The following PACRG variants were observed in gnomAD, a reference collection of about 807,000 sequenced individuals.
The protein encoded by PACRG is parkin coregulated.
Under a neutral mutation model 29.7 loss-of-function variants are expected in PACRG, and 29 were observed. The ratio of observed to expected loss-of-function variants is 0.98; its 90% CI spans 0.73 to 1.33. The LOEUF (loss-of-function observed/expected upper bound fraction) is 1.33. Ranked by LOEUF, PACRG falls within the 40% of genes most tolerant of loss-of-function variation. The pLI is 0.00. For synonymous variants in PACRG, 116 were observed against 118.7 expected (o/e 0.98, Z 0.15); for missense variants, 279 against 316.2 (o/e 0.88, Z 0.89).
intron 4 of PACRG, among the ~76,000 whole-genome samples, chr6:163,294,864 CA>C (rs1486242211): frequency 2.0e-5 from 3 of 152,104 alleles, no homozygotes; most frequent in Non-Finnish European, 4.4e-5. Context: ...ATATATATCA[CA>C]ACTGAATTTC....
chr6:163,033,522 A>G (rs1308075983), intron 2 of PACRG, among the ~76,000 whole-genome samples: 1 of 152,252 alleles, frequency 6.6e-6, no homozygotes, highest in Non-Finnish European at 1.5e-5. Flanking sequence ...TTTCCCAAAG[A>G]TTACTTAAGT....
At chr6:163,250,112 G>T (rs1225415654) in intron 4 of PACRG, among the ~76,000 whole-genome samples, 1 of 152,208 alleles carries the variant, frequency 6.6e-6, no homozygotes, top group Non-Finnish European at 1.5e-5. Flanking sequence ...ATTGTCCATT[G>T]CAGGAAACAA....
intron 2 of PACRG, among the ~76,000 whole-genome samples, chr6:162,871,916 CA>C (rs199605640): frequency 8.7e-5 from 12 of 137,870 alleles, no homozygotes; most frequent in African/African-American, 2.4e-4. Context: ...GACTCCGTCT[CA>C]AAAAAAAACA....
intron 2 of PACRG, among the ~76,000 whole-genome samples, chr6:162,863,157 G>A (rs750468762): frequency 1.3e-5 from 2 of 152,190 alleles, no homozygotes; most frequent in Non-Finnish European, 2.9e-5. Context: ...GGCTTCAGCC[G>A]TCTGCGTGCA....
At chr6:163,115,877 T>C (rs73786972) in intron 4 of PACRG, among the ~76,000 whole-genome samples, 3,661 of 152,252 alleles carry the variant, frequency 0.024, 162 homozygotes, top group African/African-American at 0.083. Flanking sequence ...GTCATGGCCC[T>C]CCAGTGCAAC....
intron 2 of PACRG, among the ~76,000 whole-genome samples, chr6:162,997,920 C>T (rs996713509): frequency 3.9e-5 from 6 of 152,128 alleles, no homozygotes; most frequent in African/African-American, 1.4e-4. Flanking sequence ...TAATTCCTTG[C>T]CAGGAGATAC....
At chr6:162,910,020 G>A (rs1285674191) in intron 2 of PACRG, among the ~76,000 whole-genome samples, 2 of 152,152 alleles carry the variant, frequency 1.3e-5, no homozygotes, top group Admixed American at 1.3e-4. Flanking sequence ...GAATGCCTGG[G>A]CTCAGATTCT....
At chr6:162,775,787 G>A (rs1562585000) in intron 1 of PACRG, among the ~76,000 whole-genome samples, 1 of 152,068 alleles carries the variant, frequency 6.6e-6, no homozygotes, top group African/African-American at 2.4e-5. Context: ...GTTAGTCTTA[G>A]CTAACACTTA....
intron 1 of PACRG, among the ~76,000 whole-genome samples, chr6:162,759,716 G>A (rs1326904021): frequency 1.3e-5 from 2 of 152,182 alleles, no homozygotes; most frequent in Admixed American, 1.3e-4. Flanking sequence ...GATGGCCAGA[G>A]TTACTGGAAA....
chr6:163,208,514 CAAAT>C lies in PACRG; in HGVS notation c.614-106308_614-106305del, dbSNP rs560207987. Among the ~76,000 whole-genome samples the C allele has an allele frequency of 2.6e-4, 40 of 152,118 alleles. No individual in the cohort carries two copies. The East Asian group carries it at 4.4e-3, about 17-fold the overall frequency. ...GATTAAAAGTCCAGAAATAAAATAA[CAAAT>C]AAATGTGCATTTTATTTAGCTATTT... On this transcript the variant is annotated intron_variant, in intron 4 of 4. Coordinates refer to ENST00000366888, the MANE Select transcript of PACRG (RefSeq NM_001080379.2).
chr6:163,111,869 T>C (rs961198113), intron 4 of PACRG, among the ~76,000 whole-genome samples: 1 of 152,232 alleles, frequency 6.6e-6, no homozygotes, highest in African/African-American at 2.4e-5. Flanking sequence ...CTGGCACATA[T>C]TGTGTAAATC....
At position 162,989,056 on chromosome 6, in the gene PACRG, CCAG is replaced by C. The variant is rs753212818; in HGVS notation, c.292-73093_292-73091del. Among the ~76,000 whole-genome samples, 3 of 152,254 alleles carry C rather than the reference CCAG, an allele frequency of 2.0e-5. No homozygotes were observed. The East Asian group carries it at 5.8e-4, about 29-fold the overall frequency. On this transcript the variant is annotated intron_variant, in intron 2 of 4. Coordinates refer to ENST00000366888, the MANE Select transcript of PACRG (RefSeq NM_001080379.2). Reference sequence around the variant, plus strand: ...ATAGCCCAATCAAGAATAGACACGTCCAGTGCTACTACTCTGGCAAGACATGAA... The same window carrying C: ...ATAGCCCAATCAAGAATAGACACGTCTGCTACTACTCTGGCAAGACATGAA...
At chr6:162,986,169 C>T (rs917663707) in intron 2 of PACRG, among the ~76,000 whole-genome samples, 1 of 152,006 alleles carries the variant, frequency 6.6e-6, no homozygotes, top group Non-Finnish European at 1.5e-5. Flanking sequence ...ATGCAATTTT[C>T]ATCAAAATAC....
chr6:163,062,314 G>A lies in PACRG; in HGVS notation c.456G>A (p.Pro152=), dbSNP rs371762357. The change falls in exon 3 of 5, where the codon CCG becomes CCA. Residue 152 remains proline, a synonymous_variant. Transcript: ENST00000366888. Reference sequence around the variant, plus strand: ...CTGTCCTTCCACAGCTCATTATCCCGATAAAAAGTAAGTGAACCGGTGAAA... The same window carrying A: ...CTGTCCTTCCACAGCTCATTATCCCAATAAAAAGTAAGTGAACCGGTGAAA... The part of the protein sequence containing the change: ...ILPVLPQLII[P]IKNALNLRNR... 7.0e-5 allele frequency: 112 copies of A among 1,607,370 alleles called. No homozygotes were observed. Among genetic ancestry groups the A allele is most frequent in the Non-Finnish European group, 9.3e-5 (109 of 1,177,938 alleles).
At chr6:163,000,329 G>A (rs998284605) in intron 2 of PACRG, among the ~76,000 whole-genome samples, 11 of 152,092 alleles carry the variant, frequency 7.2e-5, no homozygotes, top group African/African-American at 1.4e-4. Context: ...TTCTGTTTTC[G>A]CGCTGGACAG....
chr6:163,095,593 T>C (rs564148766), intron 4 of PACRG: 161 of 294,878 alleles, frequency 5.5e-4, no homozygotes, highest in African/African-American at 3.7e-3. Context: ...TCCTTCCTGC[T>C]GCTTCTAGCT....
chr6:162,788,053 A>T (rs1784650593), intron 1 of PACRG, among the ~76,000 whole-genome samples: 1 of 152,094 alleles, frequency 6.6e-6, no homozygotes, highest in Non-Finnish European at 1.5e-5. Context: ...CATAGTTTAC[A>T]TTGGGTCATT....
At chr6:162,761,397 C>G (rs1931225) in intron 1 of PACRG, among the ~76,000 whole-genome samples, 98,986 of 151,944 alleles carry the variant, frequency 0.65, 32,767 homozygotes, top group South Asian at 0.82. Context: ...AATATAAAGG[C>G]GCAGGATCAC....
intron 4 of PACRG, among the ~76,000 whole-genome samples, chr6:163,231,443 G>A (rs531251008): frequency 2.6e-5 from 4 of 152,286 alleles, no homozygotes; most frequent in South Asian, 4.1e-4. Context: ...AGTCTGCACC[G>A]GCGCTGCATG....
Sources: gnomAD v4.1 joint callset for allele counts (sites outside exome capture counted in the v4.1 genomes callset) on GRCh38, gnomAD v4.1.1 for gene constraint, MANE v1.5 for transcripts, NCBI Gene and HGNC (gene_info 2026-07-23, HGNC 2026-07-21) for gene names.